Variants in SGMS1 observed in about 807,000 individuals in gnomAD.
SGMS1 encodes the protein sphingomyelin synthase 1, also known as phosphatidylcholine:ceramide cholinephosphotransferase 1.
Under a neutral mutation model 46.2 loss-of-function variants are expected in SGMS1, and 13 were observed. The observed-to-expected ratio is 0.28, with a 90% CI of 0.18 to 0.45. The LOEUF is 0.45. SGMS1 is among the 20% of genes least tolerant of loss of function. The pLI is 1.00. For missense variants in SGMS1, 324 were observed against 519.9 expected (o/e 0.62, Z 3.66); for synonymous variants, 203 against 187.8 (o/e 1.08, Z -0.66).
intron 7 of SGMS1, among the ~76,000 whole-genome samples, chr10:50,332,370 T>C (rs1366823375): frequency 6.6e-6 from 1 of 152,166 alleles, no homozygotes; most frequent in Non-Finnish European, 1.5e-5. Context: ...AGAGGTCCCC[T>C]ACTCTAAGGA....
intron 2 of SGMS1, among the ~76,000 whole-genome samples, chr10:50,545,468 G>A (rs188587975): frequency 4.6e-4 from 70 of 152,162 alleles, no homozygotes; most frequent in Non-Finnish European, 7.4e-4. Context: ...ACAGAGTCTC[G>A]CTCTGTCACC....
At chr10:50,454,246 G>C (rs539703529) in intron 5 of SGMS1, among the ~76,000 whole-genome samples, 75 of 152,118 alleles carry the variant, frequency 4.9e-4, no homozygotes, top group Non-Finnish European at 7.6e-4. Flanking sequence ...TAAAGAGTCT[G>C]GCCTTTATCA....
At chr10:50,500,980 T>C (rs1179080177) in intron 3 of SGMS1, among the ~76,000 whole-genome samples, 1 of 152,230 alleles carries the variant, frequency 6.6e-6, no homozygotes, top group Non-Finnish European at 1.5e-5. Context: ...GGATCTCATC[T>C]GATTTTCCAA....
At chr10:50,496,151 G>C (rs945833292) in intron 3 of SGMS1, among the ~76,000 whole-genome samples, 9 of 152,126 alleles carry the variant, frequency 5.9e-5, no homozygotes, top group Non-Finnish European at 2.9e-5. Context: ...TCCTAAATTT[G>C]AGTAGATGAG....
At chr10:50,312,769 G>A (rs1847277863) in intron 8 of SGMS1, among the ~76,000 whole-genome samples, 1 of 152,122 alleles carries the variant, frequency 6.6e-6, no homozygotes, top group Admixed American at 6.6e-5. Flanking sequence ...GAATCACAGA[G>A]GGTACAGTCT....
chr10:50,359,754 A>G (rs1037418897), intron 6 of SGMS1, among the ~76,000 whole-genome samples: 4 of 152,116 alleles, frequency 2.6e-5, no homozygotes, highest in Non-Finnish European at 5.9e-5. Flanking sequence ...TGTACAACAG[A>G]ATACCAAGCC....
chr10:50,413,993 A>T (rs577948685), intron 6 of SGMS1, among the ~76,000 whole-genome samples: 2 of 152,174 alleles, frequency 1.3e-5, no homozygotes, highest in East Asian at 1.9e-4. Flanking sequence ...TAATTTTTTA[A>T]TTTTTTTTCT....
intron 5 of SGMS1, among the ~76,000 whole-genome samples, chr10:50,451,428 A>G (rs1837108083): frequency 6.6e-6 from 1 of 152,228 alleles, no homozygotes. Context: ...TTAAAACTTG[A>G]GCATTCTACC....
rs576409700 is a variant in SGMS1 at position 50,458,004 on chromosome 10, G to A, written c.-313+2669C>T. ...CTAATTGCTGCTAGCAGCATGGTAA[G>A]CACTGGGTGGGAAATGGCATGCAGC... On this transcript the variant is annotated intron_variant, in intron 5 of 10. Coordinates refer to ENST00000361781, the MANE Select transcript of SGMS1 (RefSeq NM_147156.4). Among the ~76,000 whole-genome samples the A allele has an allele frequency of 2.6e-5, 4 of 152,320 alleles. No individual in the cohort carries two copies. In the East Asian group the frequency reaches 5.8e-4, roughly 22 times the overall value.
chr10:50,564,035 T>C (rs12261465), intron 2 of SGMS1, among the ~76,000 whole-genome samples: 7,468 of 152,284 alleles, frequency 0.049, 532 homozygotes, highest in African/African-American at 0.16. Context: ...GCCTCCCCTC[T>C]AACCTGATGT....
intron 5 of SGMS1, among the ~76,000 whole-genome samples, chr10:50,448,419 C>T (rs924692546): frequency 1.3e-5 from 2 of 152,004 alleles, no homozygotes; most frequent in Non-Finnish European, 2.9e-5. Context: ...CTCTATTGCA[C>T]ACTAGAGAAT....
chr10:50,426,869 G>A lies in SGMS1; in HGVS notation c.-232+6607C>T, dbSNP rs759214363. On this transcript the variant is annotated intron_variant, in intron 6 of 10. Transcript: ENST00000361781. Reference sequence around the variant, plus strand: ...TGACACATGTCAGGTAGTAAGACACGGAGATCTAAAATTGCGAGAGAACAA... The same window carrying A: ...TGACACATGTCAGGTAGTAAGACACAGAGATCTAAAATTGCGAGAGAACAA... Among the ~76,000 whole-genome samples, 38 of 152,232 alleles carry A rather than the reference G, an allele frequency of 2.5e-4. 1 individual carries two copies. The highest frequency in any genetic ancestry group is 6.8e-3 in the Middle Eastern group (2 of 294).
intron 3 of SGMS1, among the ~76,000 whole-genome samples, chr10:50,471,815 A>G (rs1191461344): frequency 6.6e-6 from 1 of 152,164 alleles, no homozygotes; most frequent in Non-Finnish European, 1.5e-5. Context: ...ACTAAAACCA[A>G]ACAAAATGAG....
chr10:50,478,638 G>A (rs1837449410), intron 3 of SGMS1, among the ~76,000 whole-genome samples: 1 of 152,092 alleles, frequency 6.6e-6, no homozygotes, highest in Admixed American at 6.5e-5. Context: ...TTTAATATAA[G>A]TAACCTGATG....
At chr10:50,460,496 C>A (rs1490692923) in intron 5 of SGMS1, among the ~76,000 whole-genome samples, 177 bp downstream of exon 5, 1 of 152,120 alleles carries the variant, frequency 6.6e-6, no homozygotes, top group Non-Finnish European at 1.5e-5. Flanking sequence ...GAGTGATATC[C>A]CACCACACAG....
At chr10:50,350,202 C>G (rs1175298415) in intron 6 of SGMS1, among the ~76,000 whole-genome samples, 1 of 152,180 alleles carries the variant, frequency 6.6e-6, no homozygotes, top group East Asian at 1.9e-4. Flanking sequence ...TGCCCCTGCC[C>G]TAGAGATTTG....
intron 5 of SGMS1, among the ~76,000 whole-genome samples, chr10:50,450,263 GGAGT>G (rs1446661024): frequency 2.6e-5 from 4 of 152,192 alleles, no homozygotes; most frequent in Non-Finnish European, 4.4e-5. Context: ...GTGGAAGAGA[GGAGT>G]GAGTGTGAAA....
intron 6 of SGMS1, among the ~76,000 whole-genome samples, chr10:50,365,781 C>T (rs1400862438): frequency 6.6e-6 from 1 of 152,316 alleles, no homozygotes; most frequent in African/African-American, 2.4e-5. Context: ...ATTATGGCTG[C>T]ATAGTATTCC....
chr10:50,360,230 C>A (rs1029751595), intron 6 of SGMS1, among the ~76,000 whole-genome samples: 2 of 152,100 alleles, frequency 1.3e-5, no homozygotes, highest in African/African-American at 4.8e-5. Flanking sequence ...ACAAGCCAAA[C>A]CACCAAAAAA....
Sources: allele counts gnomAD v4.1 joint callset (sites outside exome capture counted in the v4.1 genomes callset), GRCh38; gene constraint gnomAD v4.1.1; transcripts MANE v1.5; gene names NCBI Gene and HGNC (gene_info 2026-07-23, HGNC 2026-07-21).